KCNMA1: variants seen among roughly 807,000 people sequenced by gnomAD.
The protein encoded by KCNMA1 is Calcium-activated potassium channel subunit alpha-1.
Under a neutral mutation model 140.0 loss-of-function variants are expected in KCNMA1, and 29 were observed. The observed-to-expected ratio is 0.21, with a 90% confidence interval of 0.15 to 0.28. KCNMA1 has a LOEUF of 0.28. KCNMA1 is among the 10% of genes least tolerant of loss of function. The pLI, the probability that KCNMA1 is intolerant of heterozygous loss-of-function variation, is 1.00. For missense variants in KCNMA1, 880 were observed against 1,602.2 expected (o/e 0.55, Z 7.70); for synonymous variants, 612 against 611.9 (o/e 1.00, Z 0.00).
intron 5 of KCNMA1, among the ~76,000 whole-genome samples, chr10:77,121,574 T>TA (rs76163676): frequency 5.5e-3 from 689 of 125,988 alleles, no homozygotes; most frequent in African/African-American, 9.6e-3. Context: ...TTCCTCCCAA[T>TA]AAAAAAAAAA....
At chr10:77,103,050 G>C (rs192458221) in intron 9 of KCNMA1, among the ~76,000 whole-genome samples, 69 of 152,294 alleles carry the variant, frequency 4.5e-4, no homozygotes, top group African/African-American at 1.6e-3. Flanking sequence ...AATGGACAGT[G>C]AGGCAGGTCA....
chr10:77,299,038 A>G (rs921345871), intron 2 of KCNMA1, among the ~76,000 whole-genome samples: 2 of 152,240 alleles, frequency 1.3e-5, no homozygotes, highest in Admixed American at 6.5e-5. Flanking sequence ...TATGTTCACC[A>G]GTGCTGGTTT....
intron 15 of KCNMA1, among the ~76,000 whole-genome samples, chr10:77,038,496 C>G (rs2094468277): frequency 6.6e-6 from 1 of 152,156 alleles, no homozygotes; most frequent in South Asian, 2.1e-4. Flanking sequence ...TTTGTGTTTT[C>G]AGAGGGCACA....
chr10:76,879,329 C>T (rs555402383), intron 29 of KCNMA1, among the ~76,000 whole-genome samples: 10 of 152,214 alleles, frequency 6.6e-5, no homozygotes, highest in South Asian at 2.1e-4. Context: ...TGCCTCTTGC[C>T]TCGTTCTCCC....
chr10:77,063,134 C>T lies in KCNMA1; in HGVS notation c.1749+9963G>A, dbSNP rs2095816073. 2.6e-5 allele frequency among the ~76,000 whole-genome samples: 4 copies of T among 152,176 alleles called. No individual in the cohort carries two copies. The South Asian group carries it at 8.3e-4, about 31-fold the overall frequency. ...ATTTAAGTGAAAATGTATATCTCAG[C>T]CAGGCACGGTGGCTCATGCTGTAAT... On this transcript the variant is annotated intron_variant, in intron 14 of 27. Transcript: ENST00000286628.
chr10:77,269,944 G>T (rs940397019), intron 2 of KCNMA1, among the ~76,000 whole-genome samples: 1 of 152,196 alleles, frequency 6.6e-6, no homozygotes. Flanking sequence ...CTGGGACAGA[G>T]CCAGACCCAG....
chr10:77,501,612 C>T (rs2043906609), intron 1 of KCNMA1, among the ~76,000 whole-genome samples: 1 of 152,190 alleles, frequency 6.6e-6, no homozygotes, highest in East Asian at 1.9e-4. Flanking sequence ...CAGCCTGATT[C>T]CTCCTCCCCC....
chr10:77,245,527 A>T (rs2058361791), intron 3 of KCNMA1, among the ~76,000 whole-genome samples: 1 of 151,954 alleles, frequency 6.6e-6, no homozygotes, highest in African/African-American at 2.4e-5. Context: ...CATTTCAAAG[A>T]CCTCCATCCT....
At chr10:77,510,629 C>CAAA (rs71305691) in intron 1 of KCNMA1, among the ~76,000 whole-genome samples, 1 of 140,358 alleles carries the variant, frequency 7.1e-6, no homozygotes, top group African/African-American at 2.6e-5. Flanking sequence ...CCTGTCTCTA[C>CAAA]AAAAAAAAAA....
At chr10:77,575,897 G>A (rs984444514) in intron 1 of KCNMA1, among the ~76,000 whole-genome samples, 1 of 152,188 alleles carries the variant, frequency 6.6e-6, no homozygotes, top group Non-Finnish European at 1.5e-5. Context: ...TTGGGGGTTG[G>A]GCCTCTGAAT....
intron 1 of KCNMA1, among the ~76,000 whole-genome samples, chr10:77,614,516 T>A (rs937537521): frequency 9.9e-5 from 15 of 152,184 alleles, no homozygotes; most frequent in African/African-American, 3.6e-4. Context: ...AAAGGTGAGC[T>A]TGAATAAACT....
chr10:77,399,416 T>C (rs547135353), intron 2 of KCNMA1, among the ~76,000 whole-genome samples: 1 of 152,306 alleles, frequency 6.6e-6, no homozygotes, highest in South Asian at 2.1e-4. Context: ...TATATTACTT[T>C]TATAATCAGA....
chr10:77,538,786 A>ACCT (rs2059501635), intron 1 of KCNMA1, among the ~76,000 whole-genome samples: 1 of 151,964 alleles, frequency 6.6e-6, no homozygotes, highest in African/African-American at 2.4e-5. Flanking sequence ...GCCTCTATGA[A>ACCT]CCTGTTCTCG....
At chr10:77,041,827 C>T (rs1478745264) in intron 14 of KCNMA1, among the ~76,000 whole-genome samples, 1 of 152,146 alleles carries the variant, frequency 6.6e-6, no homozygotes, top group Non-Finnish European at 1.5e-5. Context: ...TTGTGCTTAT[C>T]TTGTATTAAA....
intron 1 of KCNMA1, chr10:77,636,606 A>C: frequency 1.3e-6 from 2 of 1,536,090 alleles, no homozygotes; most frequent in Non-Finnish European, 1.7e-6. Flanking sequence ...CAGATATGCG[A>C]CCTCGACACA....
At chr10:76,995,596 G>A in intron 19 of KCNMA1, 1 of 471,054 alleles carries the variant, frequency 2.1e-6, no homozygotes. Context: ...AGTGGAGGAG[G>A]ATGGAAGATG....
At chr10:77,317,623 T>G (rs961699757) in intron 2 of KCNMA1, among the ~76,000 whole-genome samples, 2 of 152,188 alleles carry the variant, frequency 1.3e-5, no homozygotes, top group Non-Finnish European at 2.9e-5. Flanking sequence ...GCGAAGCCCA[T>G]TTTCATCTTA....
At chr10:77,091,791 G>A (rs2096825003) in intron 9 of KCNMA1, 1 of 152,236 alleles carries the variant, frequency 6.6e-6, no homozygotes, top group East Asian at 1.9e-4. Flanking sequence ...ATAATAGGAG[G>A]CAGTGATGAT....
chr10:77,382,886 ATATAT>A (rs1424978091), intron 2 of KCNMA1, among the ~76,000 whole-genome samples: 1 of 55,174 alleles, frequency 1.8e-5, no homozygotes, highest in African/African-American at 7.1e-5. Context: ...AAAAAAAAAA[ATATAT>A]ATATATATAT....
Sources: allele counts gnomAD v4.1 joint callset (sites outside exome capture counted in the v4.1 genomes callset), GRCh38; gene constraint gnomAD v4.1.1; transcripts MANE v1.5; gene names NCBI Gene and HGNC (gene_info 2026-07-23, HGNC 2026-07-21).